The following VWA8 variants were observed in gnomAD, a reference collection of about 807,000 sequenced individuals.
VWA8 encodes von Willebrand factor A domain containing 8.
In VWA8, 221 loss-of-function variants were observed where a neutral mutation model predicts 241.5. That is an observed-to-expected ratio of 0.91 (90% CI 0.82 to 1.02). The LOEUF (loss-of-function observed/expected upper bound fraction) is 1.02. Ranked by LOEUF, VWA8 falls within the 50% of genes least tolerant of loss-of-function variation. The pLI, the probability that VWA8 is intolerant of heterozygous loss-of-function variation, is 0.00. For synonymous variants in VWA8, 852 were observed against 827.1 expected, an observed-to-expected ratio of 1.03 and a Z score of -0.52; for missense variants, 2,322 against 2,328.7, an observed-to-expected ratio of 1.00 and a Z score of 0.06.
chr13:41,701,816 T>C (rs544480025), intron 27 of VWA8, among the ~76,000 whole-genome samples: 3 of 152,338 alleles, frequency 2.0e-5, no homozygotes, highest in East Asian at 3.9e-4. Flanking sequence ...TCTTCATTCC[T>C]TCCTAAGGCG....
chr13:41,636,197 T>C lies in VWA8; in HGVS notation c.4612-21113A>G, dbSNP rs561397532. 5.1e-4 allele frequency among the ~76,000 whole-genome samples: 78 copies of C among 152,192 alleles called. 2 individuals are homozygous for C. Among genetic ancestry groups the C allele is most frequent in the Admixed American group, 4.1e-3 (63 of 15,276 alleles). On this transcript the variant is annotated intron_variant, in intron 37 of 44. Transcript: ENST00000379310. ...CTGACTTCAAACTACACTACAAGGC[T>C]ACAGTAACCAAAAACTGCTACCAAA... is the stretch of plus-strand genomic sequence containing the variant.
intron 37 of VWA8, among the ~76,000 whole-genome samples, chr13:41,636,116 T>C (rs2044754955): frequency 6.6e-6 from 1 of 152,136 alleles, no homozygotes; most frequent in South Asian, 2.1e-4. Flanking sequence ...CACTGCTAAA[T>C]GTATTCTTCC....
At chr13:41,780,650 T>C (rs1868848892) in intron 19 of VWA8, among the ~76,000 whole-genome samples, 1 of 152,182 alleles carries the variant, frequency 6.6e-6, no homozygotes, top group Non-Finnish European at 1.5e-5. Flanking sequence ...TTCTCTAACT[T>C]CAGTCTCTCC....
rs112476542 is a variant in VWA8 at position 41,601,377 on chromosome 13, G to A, written c.4986+3791C>T. 4.3e-3 allele frequency among the ~76,000 whole-genome samples: 661 copies of A among 152,152 alleles called. 6 individuals carry two copies. Among genetic ancestry groups the A allele is most frequent in the African/African-American group, 0.015 (632 of 41,514 alleles). On this transcript the variant is annotated intron_variant, in intron 40 of 44. Transcript: ENST00000379310. ...GTGTGCTACACAATCAGTGTTCAAA[G>A]CACTATTTATCTGAACAAAAGCTTA... is the stretch of plus-strand genomic sequence containing the variant.
chr13:41,598,575 T>C (rs906838009), intron 40 of VWA8, among the ~76,000 whole-genome samples: 7 of 152,022 alleles, frequency 4.6e-5, no homozygotes, highest in African/African-American at 1.7e-4. Flanking sequence ...CAAATATATA[T>C]ATTTATTTCA....
At chr13:41,630,649 T>C (rs566024049) in intron 37 of VWA8, among the ~76,000 whole-genome samples, 5 of 152,064 alleles carry the variant, frequency 3.3e-5, no homozygotes, top group Non-Finnish European at 4.4e-5. Context: ...AATGACCTTC[T>C]TCCGTAAGTG....
At chr13:41,823,429 T>C (rs1198234333) in intron 14 of VWA8, among the ~76,000 whole-genome samples, 2 of 152,204 alleles carry the variant, frequency 1.3e-5, no homozygotes, top group African/African-American at 4.8e-5. Context: ...TTCCCCAAGA[T>C]AACCAGAAGC....
At chr13:41,954,748 TTC>T (rs372909940) in intron 1 of VWA8, among the ~76,000 whole-genome samples, 17 of 152,364 alleles carry the variant, frequency 1.1e-4, no homozygotes, top group African/African-American at 3.8e-4. Context: ...TACTAGAATA[TTC>T]TGTTTCCACT....
intron 9 of VWA8, among the ~76,000 whole-genome samples, chr13:41,871,305 T>G (rs1873598015): frequency 6.6e-6 from 1 of 152,226 alleles, no homozygotes; most frequent in African/African-American, 2.4e-5. Context: ...TTTTTTATTT[T>G]TTTAAATTTA....
chr13:41,706,096 C>CA (rs2045280947), intron 26 of VWA8, among the ~76,000 whole-genome samples: 1 of 152,132 alleles, frequency 6.6e-6, no homozygotes, highest in South Asian at 2.1e-4. Context: ...CCGTACCAAA[C>CA]AATCATATAA....
At chr13:41,607,424 T>C (rs562548236) in intron 39 of VWA8, among the ~76,000 whole-genome samples, 1 of 152,342 alleles carries the variant, frequency 6.6e-6, no homozygotes, top group African/African-American at 2.4e-5. Flanking sequence ...TGTATTTAGT[T>C]TCTGGCAGTC....
At chr13:41,924,426 A>G (rs1313930566) in intron 2 of VWA8, among the ~76,000 whole-genome samples, 1 of 140,102 alleles carries the variant, frequency 7.1e-6, no homozygotes, top group East Asian at 2.4e-4. Flanking sequence ...AGAGGAGATG[A>G]AGGAAGGAAA....
At chr13:41,592,831 G>A (rs982808035) in intron 40 of VWA8, among the ~76,000 whole-genome samples, 5 of 151,690 alleles carry the variant, frequency 3.3e-5, no homozygotes, top group South Asian at 2.1e-4. Context: ...TTAACCTGTC[G>A]GCATCTTTGT....
In VWA8 at chr13:41,566,865, TTGATAGTTAA is replaced by T. The variant is rs1034293283; in HGVS notation, c.*1322_*1331del. ...AATCAGATTGCTTTTATTTATTTAT[TTGATAGTTAA>T]TGATAGGGAGAGGGGTGATAGAACA... On this transcript the variant is annotated 3_prime_UTR_variant, in exon 45 of 45. Coordinates refer to ENST00000379310, the MANE Select transcript of VWA8 (RefSeq NM_015058.2). The T allele has an allele frequency of 6.6e-6, 1 of 152,204 alleles. No homozygotes were observed. The highest frequency in any genetic ancestry group is 1.5e-5 in the Non-Finnish European group (1 of 68,032). The allele number at this position is 152,204 out of a possible 1,614,324, so 9.4% of individuals were successfully genotyped here. A position where few individuals can be genotyped will look rare whatever the true frequency, so the allele number is the denominator to read the frequency against.
At chr13:41,948,206 A>T (rs1877954441) in intron 2 of VWA8, among the ~76,000 whole-genome samples, 1 of 152,210 alleles carries the variant, frequency 6.6e-6, no homozygotes, top group African/African-American at 2.4e-5. Flanking sequence ...CATAAAAAGC[A>T]ATGAACTACA....
At chr13:41,956,813 CAT>C (rs774258352) in intron 1 of VWA8, among the ~76,000 whole-genome samples, 9 of 152,044 alleles carry the variant, frequency 5.9e-5, no homozygotes, top group Non-Finnish European at 1.3e-4. Context: ...TATGGACAAA[CAT>C]ATAAACTTAA....
intron 3 of VWA8, 89 bp downstream of exon 3, chr13:41,911,947 TTC>T: frequency 7.8e-7 from 1 of 1,286,424 alleles, no homozygotes; most frequent in Non-Finnish European, 1.0e-6. Flanking sequence ...TAATGACTAA[TTC>T]TGATATTTTT....
intron 42 of VWA8, among the ~76,000 whole-genome samples, chr13:41,578,132 T>C (rs116604403): frequency 0.017 from 2,628 of 152,316 alleles, 80 homozygotes; most frequent in African/African-American, 0.059. Context: ...ATGCTTCTTT[T>C]TCTTCCTTCT....
At chr13:41,580,130 T>C (rs1239380081) in intron 42 of VWA8, among the ~76,000 whole-genome samples, 2 of 152,044 alleles carry the variant, frequency 1.3e-5, no homozygotes, top group Non-Finnish European at 2.9e-5. Context: ...GCTGGAATTA[T>C]AGGCATGAAC....
Sources: allele counts gnomAD v4.1 joint callset (sites outside exome capture counted in the v4.1 genomes callset), GRCh38; gene constraint gnomAD v4.1.1; transcripts MANE v1.5; gene names NCBI Gene and HGNC (gene_info 2026-07-23, HGNC 2026-07-21).